ITPR2: variants seen among roughly 807,000 people sequenced by gnomAD.
ITPR2 encodes the protein inositol 1,4,5-trisphosphate receptor type 2.
ITPR2 carries 207 observed loss-of-function variants against 317.1 expected under a neutral mutation model. The observed-to-expected ratio is 0.65, with a 90% confidence interval of 0.58 to 0.73. The LOEUF is 0.73. Ranked by LOEUF, ITPR2 falls within the 30% of genes least tolerant of loss-of-function variation. The probability of loss-of-function intolerance (pLI) is 0.00; values close to 1 mark genes in which losing one functional copy is unlikely to be tolerated. For synonymous variants in ITPR2, 1,156 were observed against 1,149.1 expected (o/e 1.01, Z -0.12); for missense variants, 2,613 against 3,284.0 (o/e 0.80, Z 4.99).
chr12:26,783,902 C>T (rs1035067472), intron 2 of ITPR2, among the ~76,000 whole-genome samples: 4 of 152,030 alleles, frequency 2.6e-5, no homozygotes, highest in Non-Finnish European at 5.9e-5. Context: ...AGACTAAGAC[C>T]GGGTCACAGA....
intron 40 of ITPR2, 67 bp from the exon 41 acceptor site, chr12:26,486,427 C>CA (rs1565554513): frequency 2.6e-6 from 2 of 774,384 alleles, no homozygotes; most frequent in Non-Finnish European, 3.8e-6. Context: ...AAAAAAAAAA[C>CA]AAACCAGGTA....
intron 55 of ITPR2, among the ~76,000 whole-genome samples, chr12:26,342,491 C>T (rs1488515424): frequency 1.8e-3 from 34 of 18,456 alleles, no homozygotes; most frequent in African/African-American, 0.017. Context: ...GTTTGGGTCA[C>T]GGCGGTGGGG....
rs1942905532 is a variant in ITPR2 at position 26,495,223 on chromosome 12, A to T, written c.5111T>A (p.Phe1704Tyr). ...TLRKILLNRY[F>Y]KGDYSIGVNG... ...CACACCAATACTATAATCACCTTTA[A>T]AGTATCGATTCAGAAGTATCTTTCT... Residue 1704 changes from phenylalanine to tyrosine, a missense_variant, in exon 38 of 57, where the codon TTT becomes TAT. This residue lies in a region of ITPR2 where 926 missense variants were observed against 1,072.8 expected (regional missense o/e 0.86). Coordinates refer to ENST00000381340, the MANE Select transcript of ITPR2 (RefSeq NM_002223.4). 2 of 1,605,890 alleles carry T rather than the reference A, an allele frequency of 1.2e-6. No individual in the cohort carries two copies. The highest frequency in any genetic ancestry group is 2.7e-5 in the African/African-American group (2 of 74,758).
chr12:26,570,223 G>A lies in ITPR2; in HGVS notation c.4631-8271C>T, dbSNP rs73290033. On this transcript the variant is annotated intron_variant, in intron 34 of 56. Transcript: ENST00000381340. Reference sequence around the variant, plus strand: ...ACCCCTAATATACTGGAAATTAATCGAGGGTAGAAAACATGGTTTGACATA... The same window carrying A: ...ACCCCTAATATACTGGAAATTAATCAAGGGTAGAAAACATGGTTTGACATA... Among the ~76,000 whole-genome samples, 505 of 152,202 alleles carry A rather than the reference G, an allele frequency of 3.3e-3. 5 individuals carry two copies. Among genetic ancestry groups the A allele is most frequent in the African/African-American group, 0.011 (472 of 41,524 alleles).
At chr12:26,410,890 A>G (rs1033209390) in intron 52 of ITPR2, among the ~76,000 whole-genome samples, 3 of 152,222 alleles carry the variant, frequency 2.0e-5, no homozygotes, top group African/African-American at 7.2e-5. Flanking sequence ...TCATCTGAAC[A>G]AAGTCCAGGA....
chr12:26,427,453 C>T (rs1036861042), intron 49 of ITPR2, among the ~76,000 whole-genome samples: 1 of 152,110 alleles, frequency 6.6e-6, no homozygotes, highest in Non-Finnish European at 1.5e-5. Flanking sequence ...AATTTGTTCA[C>T]ATAAAAAGAA....
intron 55 of ITPR2, among the ~76,000 whole-genome samples, chr12:26,345,407 G>A (rs1938273557): frequency 6.6e-6 from 1 of 152,022 alleles, no homozygotes; most frequent in Non-Finnish European, 1.5e-5. Flanking sequence ...CTATGATGAA[G>A]GATAATTTAT....
rs188762629 is a variant in ITPR2 at position 26,830,140 on chromosome 12, G to T, written c.92+2550C>A. Among the ~76,000 whole-genome samples the T allele has an allele frequency of 3.0e-4, 46 of 152,346 alleles. 1 individual carries two copies. The highest frequency in any genetic ancestry group is 2.9e-3 in the Admixed American group (45 of 15,304). On this transcript the variant is annotated intron_variant, in intron 1 of 56. Coordinates refer to ENST00000381340, the MANE Select transcript of ITPR2 (RefSeq NM_002223.4). ...GCTGGTCTCAAACTGCTGACCTCAA[G>T]TGATCTGCCCGCCTTGGCCTCCCAA...
chr12:26,418,112 A>T (rs937445869), intron 50 of ITPR2, among the ~76,000 whole-genome samples: 4 of 152,212 alleles, frequency 2.6e-5, no homozygotes, highest in African/African-American at 9.6e-5. Flanking sequence ...GCTCTTTCAA[A>T]TGTTTGAGGG....
At chr12:26,419,410 C>A in intron 49 of ITPR2, 197 bp from the exon 50 acceptor site, 2 of 515,930 alleles carry the variant, frequency 3.9e-6, no homozygotes, top group Non-Finnish European at 3.4e-6. Flanking sequence ...TTTTGTAGGT[C>A]TTCAGCATTG....
At chr12:26,507,871 G>C (rs1042379994) in intron 37 of ITPR2, among the ~76,000 whole-genome samples, 3 of 151,694 alleles carry the variant, frequency 2.0e-5, no homozygotes, top group African/African-American at 7.3e-5. Context: ...CTCTGTGTGT[G>C]TGTGTGTGTG....
At chr12:26,443,957 A>C (rs78149287) in intron 45 of ITPR2, among the ~76,000 whole-genome samples, 4,627 of 152,296 alleles carry the variant, frequency 0.03, 112 homozygotes, top group Middle Eastern at 0.068. Flanking sequence ...CATGCAAATA[A>C]AAACAAAGTG....
chr12:26,622,227 T>C lies in ITPR2; in HGVS notation c.3288+13A>G. 1.2e-6 allele frequency: 2 copies of C among 1,601,304 alleles called. No homozygotes were observed. The highest frequency in any genetic ancestry group is 1.7e-6 in the Non-Finnish European group (2 of 1,175,492). ...CTTTTGCTGTGGATGCATTGAGGGCTCTTCAATCTTACCTGCTTAAATGCC... is the reference window on the plus strand; with the variant it reads ...CTTTTGCTGTGGATGCATTGAGGGCCCTTCAATCTTACCTGCTTAAATGCC... On this transcript the variant is annotated intron_variant, in intron 25 of 56. Coordinates refer to ENST00000381340, the MANE Select transcript of ITPR2 (RefSeq NM_002223.4).
chr12:26,591,761 C>T (rs1170564895), intron 32 of ITPR2, among the ~76,000 whole-genome samples: 2 of 151,308 alleles, frequency 1.3e-5, no homozygotes, highest in East Asian at 1.9e-4. Flanking sequence ...GGTTGAACCC[C>T]GGAGGCAGAG....
At chr12:26,703,313 A>G (rs1216904590) in intron 9 of ITPR2, among the ~76,000 whole-genome samples, 1 of 152,230 alleles carries the variant, frequency 6.6e-6, no homozygotes, top group Non-Finnish European at 1.5e-5. Flanking sequence ...AGATTGAGTT[A>G]ATCTAAATTG....
intron 24 of ITPR2, among the ~76,000 whole-genome samples, chr12:26,623,809 T>C (rs1388243121): frequency 6.6e-6 from 1 of 152,258 alleles, no homozygotes; most frequent in Non-Finnish European, 1.5e-5. Flanking sequence ...GCAGGATTCC[T>C]GATGGCAAAG....
At chr12:26,788,540 G>C (rs368592360) in intron 2 of ITPR2, among the ~76,000 whole-genome samples, 3 of 152,204 alleles carry the variant, frequency 2.0e-5, no homozygotes, top group African/African-American at 7.2e-5. Context: ...TGGTGGATGT[G>C]GTTGTTATTT....
chr12:26,417,207 C>G (rs12424389), intron 50 of ITPR2, among the ~76,000 whole-genome samples: 19,453 of 152,078 alleles, frequency 0.13, 1,927 homozygotes, highest in East Asian at 0.38. Flanking sequence ...GTCCTCTAAA[C>G]ATCAAAATGG....
chr12:26,516,920 A>C (rs1337530105), intron 37 of ITPR2, among the ~76,000 whole-genome samples: 4 of 152,128 alleles, frequency 2.6e-5, no homozygotes, highest in Non-Finnish European at 5.9e-5. Context: ...AAGACTCAGC[A>C]TATACATAAT....
Sources: gnomAD v4.1 joint callset for allele counts (sites outside exome capture counted in the v4.1 genomes callset) on GRCh38, gnomAD v4.1.1 for gene constraint, gnomAD v4.1.1 regional missense constraint, MANE v1.5 for transcripts, NCBI Gene and HGNC (gene_info 2026-07-23, HGNC 2026-07-21) for gene names.